Variants in MPV17L observed in about 807,000 individuals in gnomAD.
MPV17L encodes MPV17 mitochondrial inner membrane protein like.
Under a neutral mutation model 25.8 loss-of-function variants are expected in MPV17L, and 24 were observed. The observed-to-expected ratio is 0.93, with a 90% CI of 0.67 to 1.31. The LOEUF (loss-of-function observed/expected upper bound fraction) is 1.31, where lower values mean the gene tolerates loss of function less well. MPV17L is among the 50% of genes most tolerant of loss of function. The probability of loss-of-function intolerance (pLI) is 0.00; values close to 1 mark genes in which losing one functional copy is unlikely to be tolerated. For synonymous variants in MPV17L, 102 were observed against 115.3 expected, an observed-to-expected ratio of 0.88 and a Z score of 0.74; for missense variants, 250 against 265.6, an observed-to-expected ratio of 0.94 and a Z score of 0.41.
intron 1 of MPV17L, 56 bp downstream of exon 1, chr16:15,396,263 C>T (rs1415937041): frequency 1.4e-5 from 22 of 1,523,664 alleles, no homozygotes; most frequent in South Asian, 4.8e-5. Context: ...GGACTGGAGG[C>T]TGGGACTCGG....
intron 2 of MPV17L, among the ~76,000 whole-genome samples, chr16:15,406,027 A>G (rs1481148659): frequency 6.6e-6 from 1 of 151,934 alleles, no homozygotes; most frequent in Admixed American, 6.6e-5. Context: ...TGTCTCTACT[A>G]AAAATACAAA....
intron 2 of MPV17L, among the ~76,000 whole-genome samples, chr16:15,405,836 G>A (rs2150907461): frequency 6.6e-6 from 1 of 151,816 alleles, no homozygotes; most frequent in African/African-American, 2.4e-5. Context: ...CCTGAGCTCG[G>A]GAATTTGAGA....
In MPV17L at chr16:15,412,074, T is replaced by G. The variant is rs1203360157; in HGVS notation, c.*3962T>G. On this transcript the variant is annotated 3_prime_UTR_variant, in exon 4 of 4. Coordinates refer to ENST00000396385, the MANE Select transcript of MPV17L (RefSeq NM_001128423.2). ...AAAAACTAATATAAGTTATTCTCTT[T>G]TATTTGTATTGTGATTGGTTTGATG... is the stretch of plus-strand genomic sequence containing the variant. 6.6e-6 allele frequency: 1 copy of G among 152,180 alleles called. No individual in the cohort carries two copies. Among genetic ancestry groups the G allele is most frequent in the Non-Finnish European group, 1.5e-5 (1 of 68,038 alleles). The allele number at this position is 152,180 out of a possible 1,614,324, so 9.4% of individuals were successfully genotyped here. A position where few individuals can be genotyped will look rare whatever the true frequency, so the allele number is the denominator to read the frequency against.
intron 1 of MPV17L, among the ~76,000 whole-genome samples, chr16:15,396,630 C>T (rs2050587499): frequency 6.6e-6 from 1 of 152,106 alleles, no homozygotes; most frequent in Non-Finnish European, 1.5e-5. Flanking sequence ...TGACCGTGAA[C>T]CAGTCGTGGG....
chr16:15,403,077 T>C (rs1168195040), intron 2 of MPV17L, among the ~76,000 whole-genome samples: 1 of 148,870 alleles, frequency 6.7e-6, no homozygotes, highest in Non-Finnish European at 1.5e-5. Flanking sequence ...TTTTTTTTTT[T>C]AAAGAGCAAG....
At chr16:15,402,222 A>G (rs1200995575) in intron 2 of MPV17L, among the ~76,000 whole-genome samples, 1 of 152,182 alleles carries the variant, frequency 6.6e-6, no homozygotes, top group Non-Finnish European at 1.5e-5. Context: ...ATATTTATTC[A>G]TTGATTCAGT....
intron 2 of MPV17L, among the ~76,000 whole-genome samples, chr16:15,402,745 C>G (rs531157724): frequency 6.6e-6 from 1 of 152,306 alleles, no homozygotes; most frequent in East Asian, 1.9e-4. Flanking sequence ...TGCAGTGGCA[C>G]TCTGCAACCT....
In MPV17L at chr16:15,396,028, A is replaced by T; in HGVS notation, c.131A>T (p.Asn44Ile). 6 of 1,531,792 alleles carry T rather than the reference A, an allele frequency of 3.9e-6. No individual in the cohort carries two copies. The highest frequency in any genetic ancestry group is 5.2e-6 in the Non-Finnish European group (6 of 1,144,376). The allele number at this position is 1,531,792 out of a possible 1,614,324, so 94.9% of individuals were successfully genotyped here. Reference sequence around the variant, plus strand: ...CAGCGGCTGCAGGGCCGCGAGGCCAACTGGCGCCAGACGCGGCGCGTGGCC... The same window carrying T: ...CAGCGGCTGCAGGGCCGCGAGGCCATCTGGCGCCAGACGCGGCGCGTGGCC... ...LQQRLQGREA[N>I]WRQTRRVATL... The change falls in exon 1 of 4, where the codon AAC becomes ATC. Residue 44 changes from asparagine (N) to isoleucine (I), a missense_variant. Physicochemically the swap from Asn to Ile is moderately radical, Grantham distance 149 (BLOSUM62 -3). Coordinates refer to ENST00000396385, the MANE Select transcript of MPV17L (RefSeq NM_001128423.2).
At chr16:15,402,751 A>G (rs2050648808) in intron 2 of MPV17L, among the ~76,000 whole-genome samples, 1 of 152,070 alleles carries the variant, frequency 6.6e-6, no homozygotes, top group Non-Finnish European at 1.5e-5. Context: ...GGCACTCTGC[A>G]ACCTTTGCCT....
rs1247371718 is a variant in MPV17L, at chr16:15,412,249, T to G, written c.*4137T>G. On this transcript the variant is annotated 3_prime_UTR_variant, in exon 4 of 4. Coordinates refer to ENST00000396385, the MANE Select transcript of MPV17L (RefSeq NM_001128423.2). The stretch of plus-strand genomic sequence containing the variant: ...TTTGAGACCAACTTGGGCAATGTGG[T>G]GAAACCCTATCCCTACCAAAAATAC... 1 of 151,960 alleles carries G rather than the reference T, an allele frequency of 6.6e-6. No individual in the cohort carries two copies. The highest frequency in any genetic ancestry group is 1.5e-5 in the Non-Finnish European group (1 of 68,012). The allele number at this position is 151,960 out of a possible 1,614,324, so 9.4% of individuals were successfully genotyped here.
At chr16:15,400,658 G>T in intron 1 of MPV17L, 129 bp from the exon 2 acceptor site, 1 of 533,744 alleles carries the variant, frequency 1.9e-6, no homozygotes, top group Non-Finnish European at 3.0e-6. Context: ...TTTCACTGTT[G>T]GGTCAGAGGG....
At position 15,412,739 on chromosome 16, in the gene MPV17L, AT is replaced by A. The variant is rs34761955; in HGVS notation, c.*4641del. On this transcript the variant is annotated 3_prime_UTR_variant, in exon 4 of 4. Transcript: ENST00000396385. ...AGGCGCCCGCCACCATGACCCACTA[AT>A]TTTTTTTTTTTTTGGATTTTTAGTA... 5,448 of 144,544 alleles carry A rather than the reference AT, an allele frequency of 0.038. 163 individuals carry two copies. The highest frequency in any genetic ancestry group is 0.076 in the African/African-American group (2,999 of 39,274). The allele number at this position is 144,544 out of a possible 1,614,324, so 9.0% of individuals were successfully genotyped here.
At position 15,412,116 on chromosome 16, in the gene MPV17L, C is replaced by T. The variant is rs1287477420; in HGVS notation, c.*4004C>T. ...GGTTTGATGAGAGGGAATTAGGCCACTTGAGAGTTTGTGCGTGTTTATAAT... is the reference window on the plus strand; with the variant it reads ...GGTTTGATGAGAGGGAATTAGGCCATTTGAGAGTTTGTGCGTGTTTATAAT... On this transcript the variant is annotated 3_prime_UTR_variant, in exon 4 of 4. Coordinates refer to ENST00000396385, the MANE Select transcript of MPV17L (RefSeq NM_001128423.2). The T allele has an allele frequency of 6.6e-6, 1 of 151,672 alleles. No individual in the cohort carries two copies. Among genetic ancestry groups the T allele is most frequent in the Non-Finnish European group, 1.5e-5 (1 of 67,934 alleles). The allele number at this position is 151,672 out of a possible 1,614,324, so 9.4% of individuals were successfully genotyped here.
chr16:15,407,404 C>T (rs2050689783), intron 2 of MPV17L, among the ~76,000 whole-genome samples: 1 of 152,068 alleles, frequency 6.6e-6, no homozygotes, highest in African/African-American at 2.4e-5. Context: ...CCTAGTATTT[C>T]TTACTCTTTT....
rs938914681 is a variant in MPV17L at position 15,412,183 on chromosome 16, C to G, written c.*4071C>G. 7.2e-5 allele frequency: 11 copies of G among 152,376 alleles called. No individual in the cohort carries two copies. Among genetic ancestry groups the G allele is most frequent in the African/African-American group, 2.6e-4 (11 of 41,582 alleles). The allele number at this position is 152,376 out of a possible 1,614,324, so 9.4% of individuals were successfully genotyped here. On this transcript the variant is annotated 3_prime_UTR_variant, in exon 4 of 4. Transcript: ENST00000396385. ...GTGGCTCATGCCTGTAATCCCAGCA[C>G]TTTGGGAGGCCAAGGCGGGCGGATC...
chr16:15,407,741 C>CA (rs2050694121), intron 2 of MPV17L, 83 bp from the exon 3 acceptor site: 1 of 1,379,964 alleles, frequency 7.2e-7, no homozygotes. Flanking sequence ...GACCCTGTCT[C>CA]AAAAAATAAA....
intron 2 of MPV17L, 62 bp downstream of exon 2, chr16:15,400,919 T>TATAAAA: frequency 1.0e-6 from 1 of 1,002,318 alleles, no homozygotes; most frequent in Non-Finnish European, 1.4e-6. Context: ...TATATATGTG[T>TATAAAA]ATAAAAATAT....
At chr16:15,406,841 G>A (rs1030987547) in intron 2 of MPV17L, among the ~76,000 whole-genome samples, 13 of 152,090 alleles carry the variant, frequency 8.5e-5, no homozygotes, top group African/African-American at 3.1e-4. Context: ...CAGGAGAACT[G>A]CTTGAACCTA....
intron 2 of MPV17L, among the ~76,000 whole-genome samples, chr16:15,405,267 G>A (rs1455348846): frequency 6.6e-6 from 1 of 151,802 alleles, no homozygotes; most frequent in East Asian, 1.9e-4. Context: ...GCCAGGCACA[G>A]TGGCTCCTGT....
Sources: gnomAD v4.1 joint callset for allele counts (sites outside exome capture counted in the v4.1 genomes callset) on GRCh38, gnomAD v4.1.1 for gene constraint, MANE v1.5 for transcripts, NCBI Gene and HGNC (gene_info 2026-07-23, HGNC 2026-07-21) for gene names.